Variants in ADAMTS2 observed in about 807,000 individuals in gnomAD.
The protein encoded by ADAMTS2 is A disintegrin and metalloproteinase with thrombospondin motifs 2.
A neutral mutation model predicts 123.0 loss-of-function variants in ADAMTS2; 50 were observed. The ratio of observed to expected loss-of-function variants is 0.41; its 90% confidence interval spans 0.32 to 0.51. The LOEUF (loss-of-function observed/expected upper bound fraction) is 0.51, where lower values mean the gene tolerates loss of function less well. Among genes scored for constraint, ADAMTS2 ranks in the 20% least tolerant of loss-of-function variants. The pLI is 0.35. For synonymous variants in ADAMTS2, 678 were observed against 695.4 expected (o/e 0.98, Z 0.39); for missense variants, 1,494 against 1,705.2 (o/e 0.88, Z 2.18).
rs1765266274 is a variant in ADAMTS2, at chr5:179,225,645, C to T, written c.689-17930G>A. Among the ~76,000 whole-genome samples, 1 of 152,198 alleles carries T rather than the reference C, an allele frequency of 6.6e-6. No individual in the cohort carries two copies. The highest frequency in any genetic ancestry group is 2.4e-5 in the African/African-American group (1 of 41,452). On this transcript the variant is annotated intron_variant, in intron 3 of 21. Transcript: ENST00000251582. This position sits in a 1 kb window ranked among gnomAD's most constrained non-coding sequence, Gnocchi z 4.5. ...GCACCAGCACGCTGCAGGCCACCGA[C>T]CGGCAGAAGCAGAACGACACGGAGT...
intron 2 of ADAMTS2, among the ~76,000 whole-genome samples, chr5:179,293,687 C>T (rs554776922): frequency 2.4e-4 from 36 of 152,290 alleles, no homozygotes; most frequent in African/African-American, 8.2e-4. Flanking sequence ...GATCTGGGCT[C>T]ACCACAACCT....
At chr5:179,195,120 G>A (rs964312538) in intron 4 of ADAMTS2, among the ~76,000 whole-genome samples, 3 of 152,176 alleles carry the variant, frequency 2.0e-5, no homozygotes, top group African/African-American at 4.8e-5. Context: ...GTGTAATCAC[G>A]TGTCCTGATC....
At chr5:179,299,501 C>G (rs4485912) in intron 2 of ADAMTS2, among the ~76,000 whole-genome samples, 36,120 of 141,984 alleles carry the variant, frequency 0.25, 5,200 homozygotes, top group Admixed American at 0.37. Flanking sequence ...AGCACTCCAG[C>G]CTGGGCAACA....
rs62396156 is a variant in ADAMTS2, at chr5:179,189,187, C to T, written c.892-8032G>A. Among the ~76,000 whole-genome samples, 794 of 152,208 alleles carry T rather than the reference C, an allele frequency of 5.2e-3. 5 individuals are homozygous for T. The highest frequency in any genetic ancestry group is 8.8e-3 in the Non-Finnish European group (599 of 68,016). On this transcript the variant is annotated intron_variant, in intron 4 of 21. Transcript: ENST00000251582. This position sits in a 1 kb window ranked among gnomAD's most constrained non-coding sequence, Gnocchi z 4.2. Reference sequence around the variant, plus strand: ...GTTGAAGCAACAATGAAAATTATCACGTGCGTCCATGTGAAGAGATCACCA... The same window carrying T: ...GTTGAAGCAACAATGAAAATTATCATGTGCGTCCATGTGAAGAGATCACCA...
chr5:179,238,526 C>T (rs1034067770), intron 3 of ADAMTS2, among the ~76,000 whole-genome samples: 7 of 151,948 alleles, frequency 4.6e-5, no homozygotes, highest in Admixed American at 1.3e-4. Flanking sequence ...AGCCTTAGAG[C>T]GCCAGGGTAG....
rs1166498252 is a variant in ADAMTS2 at position 179,234,759 on chromosome 5, C to T, written c.689-27044G>A. 3.3e-5 allele frequency among the ~76,000 whole-genome samples: 5 copies of T among 152,194 alleles called. No individual in the cohort carries two copies. The highest frequency in any genetic ancestry group is 7.4e-5 in the Non-Finnish European group (5 of 68,020). ...ATGATGAGCTCAGCCCCTCCCTCTA[C>T]CTGGATGCAGCAGCCTCCTCCCAGA... On this transcript the variant is annotated intron_variant, in intron 3 of 21. Coordinates refer to ENST00000251582, the MANE Select transcript of ADAMTS2 (RefSeq NM_014244.5). This position sits in a 1 kb window ranked among gnomAD's most constrained non-coding sequence, Gnocchi z 4.7.
At chr5:179,316,377 G>C (rs1756999067) in intron 2 of ADAMTS2, among the ~76,000 whole-genome samples, 1 of 152,250 alleles carries the variant, frequency 6.6e-6, no homozygotes, top group Non-Finnish European at 1.5e-5. Flanking sequence ...GACACCCTGG[G>C]AGATGCTGAG....
intron 2 of ADAMTS2, among the ~76,000 whole-genome samples, chr5:179,299,768 C>G (rs1756459603): frequency 6.6e-6 from 1 of 151,932 alleles, no homozygotes; most frequent in African/African-American, 2.4e-5. Flanking sequence ...CTACTGACCC[C>G]TCTCTGACTC....
intron 2 of ADAMTS2, among the ~76,000 whole-genome samples, chr5:179,316,814 C>T (rs1199272332): frequency 6.6e-6 from 1 of 152,196 alleles, no homozygotes; most frequent in Non-Finnish European, 1.5e-5. Flanking sequence ...TGGTGGTGCA[C>T]ACCTGTACTT....
At chr5:179,176,073 C>T (rs891070786) in intron 5 of ADAMTS2, among the ~76,000 whole-genome samples, 1 of 152,172 alleles carries the variant, frequency 6.6e-6, no homozygotes, top group African/African-American at 2.4e-5. Flanking sequence ...CTTGGGACCC[C>T]TCTATAGTCC....
At position 179,308,958 on chromosome 5, in the gene ADAMTS2, C is replaced by A. The variant is rs551881803; in HGVS notation, c.534+34809G>T. Among the ~76,000 whole-genome samples the A allele has an allele frequency of 6.6e-6, 1 of 152,304 alleles. No individual in the cohort carries two copies. The highest frequency in any genetic ancestry group is 1.9e-4 in the East Asian group (1 of 5,178). On this transcript the variant is annotated intron_variant, in intron 2 of 21. Transcript: ENST00000251582. The surrounding 1 kb of genome is among the most constrained non-coding windows in gnomAD (Gnocchi z 6.6). ...AGGACAGGCCAGGCCATGGTGAGGC[C>A]CTGGGTCCAGGGAAAGATACGAAGA...
chr5:179,193,625 G>T (rs1764355924), intron 4 of ADAMTS2, among the ~76,000 whole-genome samples: 3 of 152,202 alleles, frequency 2.0e-5, no homozygotes, highest in Admixed American at 2.0e-4. Context: ...TCATTTTTAT[G>T]GGAGTCTCTG....
intron 6 of ADAMTS2, among the ~76,000 whole-genome samples, chr5:179,156,374 T>C (rs1234287512): frequency 6.6e-6 from 1 of 151,298 alleles, no homozygotes; most frequent in East Asian, 1.9e-4. Flanking sequence ...TTTTTTTTTT[T>C]TTTGAGATGG....
intron 3 of ADAMTS2, among the ~76,000 whole-genome samples, chr5:179,265,219 G>A (rs1418513989): frequency 2.6e-5 from 4 of 152,198 alleles, no homozygotes; most frequent in South Asian, 2.1e-4. Flanking sequence ...ACCATCCTCC[G>A]GGTCAGGCTT....
At chr5:179,204,208 T>C (rs1230584618) in intron 4 of ADAMTS2, among the ~76,000 whole-genome samples, 1 of 152,172 alleles carries the variant, frequency 6.6e-6, no homozygotes, top group Non-Finnish European at 1.5e-5. Flanking sequence ...AGGAAAGGGC[T>C]GAAACTCAAT....
At chr5:179,186,291 G>A (rs1239374330) in intron 4 of ADAMTS2, among the ~76,000 whole-genome samples, 1 of 152,202 alleles carries the variant, frequency 6.6e-6, no homozygotes, top group Non-Finnish European at 1.5e-5. Flanking sequence ...TCCTGCCCCT[G>A]CGTGTGCTAT....
At chr5:179,275,548 T>C (rs1766671565) in intron 2 of ADAMTS2, among the ~76,000 whole-genome samples, 1 of 152,114 alleles carries the variant, frequency 6.6e-6, no homozygotes, top group Admixed American at 6.5e-5. Flanking sequence ...CACTTCCTTA[T>C]GCCGGGGAGT....
intron 2 of ADAMTS2, among the ~76,000 whole-genome samples, chr5:179,279,978 A>T (rs1285107434): frequency 6.6e-6 from 1 of 151,912 alleles, no homozygotes; most frequent in African/African-American, 2.4e-5. Context: ...GGTGCCAGCC[A>T]CTCCCGTCCT....
intron 5 of ADAMTS2, among the ~76,000 whole-genome samples, chr5:179,171,375 C>T (rs759482576): frequency 2.0e-4 from 30 of 152,196 alleles, no homozygotes; most frequent in Admixed American, 3.9e-4. Flanking sequence ...TTTTCCTAGC[C>T]GCTGTGCCCT....
Sources: gnomAD v4.1 joint callset for allele counts (sites outside exome capture counted in the v4.1 genomes callset) on GRCh38, gnomAD v4.1.1 for gene constraint, Gnocchi (gnomAD v3.1) non-coding constraint, MANE v1.5 for transcripts, NCBI Gene and HGNC (gene_info 2026-07-23, HGNC 2026-07-21) for gene names.